POU3F3: variants seen among roughly 807,000 people sequenced by gnomAD.
POU3F3 encodes the protein POU domain, class 3, transcription factor 3.
In POU3F3, 1 loss-of-function variant was observed where a neutral mutation model predicts 8.6. That is an observed-to-expected ratio of 0.12 (90% confidence interval 0.04 to 0.55). The LOEUF is 0.55. POU3F3 is among the 20% of genes least tolerant of loss of function. POU3F3 has a pLI of 0.91. For synonymous variants in POU3F3, 418 were observed against 327.4 expected, an observed-to-expected ratio of 1.28 and a Z score of -2.99; for missense variants, 577 against 690.7, an observed-to-expected ratio of 0.84 and a Z score of 1.84.
At chr2:104,869,511 A>C in the POU3F3 span, among the ~76,000 whole-genome samples, 1 of 152,234 alleles carries the variant, frequency 6.6e-6, no homozygotes, top group Non-Finnish European at 1.5e-5. Context: ...AGGGGGTGCC[A>C]GGTTCTAGGA....
the POU3F3 span, among the ~76,000 whole-genome samples, chr2:104,904,152 G>A: frequency 6.6e-6 from 1 of 152,170 alleles, no homozygotes; most frequent in African/African-American, 2.4e-5. Context: ...CCAGCAATTG[G>A]ATTTGCAATA....
chr2:104,920,903 C>T, the POU3F3 span, among the ~76,000 whole-genome samples: 1 of 152,116 alleles, frequency 6.6e-6, no homozygotes, highest in African/African-American at 2.4e-5. Context: ...ACTCTCAGCG[C>T]TATGATCCAA....
the POU3F3 span, among the ~76,000 whole-genome samples, chr2:104,893,944 A>T: frequency 1.3e-5 from 2 of 151,752 alleles, no homozygotes; most frequent in Non-Finnish European, 1.5e-5. Flanking sequence ...AAGTACAAGT[A>T]GGTGCTTCAA....
chr2:104,855,575 T>C lies in POU3F3; in HGVS notation c.65T>C (p.Val22Ala). 1 of 984,020 alleles carries C rather than the reference T, an allele frequency of 1.0e-6. No homozygotes were observed. Among genetic ancestry groups the C allele is most frequent in the Admixed American group, 7.7e-5 (1 of 12,976 alleles). 61.0% of individuals were successfully genotyped at this position (984,020 alleles called of 1,614,324 possible). The change falls in exon 1 of 1, where the codon GTG becomes GCG. Residue 22 changes from valine to alanine, a missense_variant. By Grantham distance (64) the Val-to-Ala change is moderately conservative. Around this residue, in one of 7 missense-constraint regions of POU3F3, gnomAD observed 484 missense variants for 422.6 expected, o/e 1.15. Transcript: ENST00000361360. ...AGCCTGCTCGCGGCCGGCTCTATTG[T>C]GCACTCGGACGCGGCAGGGGCTGGC... ...GNSLLAAGSI[V>A]HSDAAGAGGG...
the POU3F3 span, chr2:104,866,470 G>C: frequency 6.6e-6 from 1 of 152,196 alleles, no homozygotes; most frequent in Non-Finnish European, 1.5e-5. Flanking sequence ...GCTTCAAGGA[G>C]GGGAATAAAA....
the POU3F3 span, chr2:104,868,258 CG>C: frequency 2.2e-6 from 1 of 456,560 alleles, no homozygotes; most frequent in Admixed American, 2.3e-5. Context: ...TGGGGCTCAG[CG>C]CAGAGCGGGC....
chr2:104,899,145 G>A, the POU3F3 span, among the ~76,000 whole-genome samples: 1 of 152,188 alleles, frequency 6.6e-6, no homozygotes, highest in Non-Finnish European at 1.5e-5. Context: ...ATACTCAAAA[G>A]GATGATTCCT....
At chr2:104,926,327 T>G in the POU3F3 span, among the ~76,000 whole-genome samples, 1 of 152,170 alleles carries the variant, frequency 6.6e-6, no homozygotes, top group Non-Finnish European at 1.5e-5. Flanking sequence ...AAGAAGACAT[T>G]TATGTGGCCA....
chr2:104,906,094 C>A, the POU3F3 span, among the ~76,000 whole-genome samples: 1 of 152,228 alleles, frequency 6.6e-6, no homozygotes, highest in Non-Finnish European at 1.5e-5. Context: ...ATTCCTCACA[C>A]AGCTTCTAAT....
chr2:104,901,644 C>T, the POU3F3 span, among the ~76,000 whole-genome samples: 2 of 152,212 alleles, frequency 1.3e-5, no homozygotes, highest in Admixed American at 6.5e-5. Flanking sequence ...ACATAACACT[C>T]GCAGGTCTCC....
the POU3F3 span, among the ~76,000 whole-genome samples, chr2:104,900,777 C>A: frequency 6.6e-6 from 1 of 152,116 alleles, no homozygotes; most frequent in Non-Finnish European, 1.5e-5. Context: ...CTGCCCGTGG[C>A]CAGGAAGGTA....
chr2:104,898,189 G>T, the POU3F3 span, among the ~76,000 whole-genome samples: 2 of 152,220 alleles, frequency 1.3e-5, no homozygotes, highest in Admixed American at 6.5e-5. Context: ...ACGTGGAGAG[G>T]TAGGCAGTCT....
chr2:104,877,089 G>T, the POU3F3 span, among the ~76,000 whole-genome samples: 1 of 151,864 alleles, frequency 6.6e-6, no homozygotes, highest in Non-Finnish European at 1.5e-5. Context: ...CTCTTCCCTT[G>T]TTAAAGCTAC....
At chr2:104,877,065 C>T in the POU3F3 span, among the ~76,000 whole-genome samples, 2 of 152,092 alleles carry the variant, frequency 1.3e-5, no homozygotes, top group Admixed American at 6.5e-5. Flanking sequence ...CACACACACA[C>T]ACAGAGTCAT....
chr2:104,881,121 A>ACTTTCTTTCTTTCTTTCTTACTTT, the POU3F3 span, among the ~76,000 whole-genome samples: 5 of 142,064 alleles, frequency 3.5e-5, no homozygotes, highest in Non-Finnish European at 7.6e-5. Context: ...TTTATTTCTT[A>ACTTTCTTTCTTTCTTTCTTACTTT]CTTTCTTTCT....
At chr2:104,906,668 T>G in the POU3F3 span, among the ~76,000 whole-genome samples, 19 of 152,324 alleles carry the variant, frequency 1.2e-4, no homozygotes, top group South Asian at 2.1e-4. Context: ...ATGCGATTTT[T>G]TTAAGTCCTT....
chr2:104,860,380 T>A (rs1676639973), downstream of POU3F3, among the ~76,000 whole-genome samples: 1 of 152,204 alleles, frequency 6.6e-6, no homozygotes. Context: ...ACTGAGAGGT[T>A]TTGTGCTAAG....
At chr2:104,927,100 T>C in the POU3F3 span, among the ~76,000 whole-genome samples, 1 of 152,190 alleles carries the variant, frequency 6.6e-6, no homozygotes, top group African/African-American at 2.4e-5. Context: ...ACTTAAAATA[T>C]ATGTATATGT....
the POU3F3 span, among the ~76,000 whole-genome samples, chr2:104,883,214 G>C: frequency 6.6e-6 from 1 of 152,188 alleles, no homozygotes; most frequent in Admixed American, 6.5e-5. Flanking sequence ...AGTGCCCAGG[G>C]CCATTAGCGG....
Sources: gnomAD v4.1 joint callset for allele counts (sites outside exome capture counted in the v4.1 genomes callset) on GRCh38, gnomAD v4.1.1 for gene constraint, gnomAD v4.1.1 regional missense constraint, MANE v1.5 for transcripts, NCBI Gene and HGNC (gene_info 2026-07-23, HGNC 2026-07-21) for gene names.